The following PTPRK variants were observed in gnomAD, a reference collection of about 807,000 sequenced individuals.
PTPRK encodes protein tyrosine phosphatase receptor type K, also known as receptor-type tyrosine-protein phosphatase kappa.
Under a neutral mutation model 178.0 loss-of-function variants are expected in PTPRK, and 75 were observed. That is an observed-to-expected ratio of 0.42 (90% confidence interval 0.35 to 0.51). The LOEUF is 0.51. PTPRK is among the 20% of genes least tolerant of loss of function. The pLI, the probability that PTPRK is intolerant of heterozygous loss-of-function variation, is 0.02. For missense variants in PTPRK, 1,441 were observed against 1,797.8 expected (o/e 0.80, Z 3.59); for synonymous variants, 637 against 620.6 (o/e 1.03, Z -0.39).
intron 2 of PTPRK, among the ~76,000 whole-genome samples, chr6:128,373,952 A>T (rs1278845923): frequency 6.6e-6 from 1 of 152,208 alleles, no homozygotes; most frequent in African/African-American, 2.4e-5. Flanking sequence ...AAGAAAGGGT[A>T]AAAAGGCTTC....
chr6:128,022,369 A>G (rs1024091808), intron 13 of PTPRK, among the ~76,000 whole-genome samples: 3 of 152,070 alleles, frequency 2.0e-5, no homozygotes, highest in South Asian at 4.2e-4. Context: ...TGCCATGAAA[A>G]CTTTTGGTCC....
At chr6:128,279,227 A>C (rs980356643) in intron 3 of PTPRK, among the ~76,000 whole-genome samples, 8 of 141,016 alleles carry the variant, frequency 5.7e-5, no homozygotes, top group Non-Finnish European at 9.4e-5. Flanking sequence ...AAAAAAAAAA[A>C]GATGTCTGGA....
rs1202444548 is a variant in PTPRK, at chr6:128,331,778, G to A, written c.224-9468C>T. On this transcript the variant is annotated intron_variant, in intron 2 of 29. Coordinates refer to ENST00000368226, the MANE Select transcript of PTPRK (RefSeq NM_002844.4). ...TTGTCCCCCAAACTTCAAATTAACT[G>A]AATTTGCATCTTTGCAGGAGTCTAC... Among the ~76,000 whole-genome samples, 3 of 133,132 alleles carry A rather than the reference G, an allele frequency of 2.3e-5. No individual in the cohort carries two copies. The Admixed American group carries it at 2.3e-4, about 10-fold the overall frequency. 87.3% of individuals were successfully genotyped at this position (133,132 alleles called of 152,430 possible). A position where few individuals can be genotyped will look rare whatever the true frequency, so the allele number is the denominator to read the frequency against.
intron 10 of PTPRK, among the ~76,000 whole-genome samples, chr6:128,081,899 ATTTC>A (rs1364695637): frequency 2.6e-5 from 4 of 152,162 alleles, no homozygotes; most frequent in Admixed American, 6.6e-5. Flanking sequence ...GTAAAGTTTA[ATTTC>A]TTTATCAACC....
intron 2 of PTPRK, among the ~76,000 whole-genome samples, chr6:128,327,884 T>A (rs927351310): frequency 7.2e-5 from 11 of 152,162 alleles, no homozygotes; most frequent in African/African-American, 2.7e-4. Flanking sequence ...GAAGGTGCAG[T>A]TGCAGCTCAC....
At position 128,219,041 on chromosome 6, in the gene PTPRK, C is replaced by T; in HGVS notation, c.749G>A (p.Arg250Lys). 6.2e-7 allele frequency: 1 copy of T among 1,613,904 alleles called. No individual in the cohort carries two copies. The highest frequency in any genetic ancestry group is 8.5e-7 in the Non-Finnish European group (1 of 1,179,840). ...VAQTKNINHR[R>K]FAASFRLQEV... ...TTGCAATCTGAAGGAAGCGGCAAAC[C>T]TTCTATGATTGATGTTCTTAGTCTG... Residue 250 changes from arginine to lysine, a missense_variant, in exon 6 of 30, where the codon AGG (arginine) becomes AAG (lysine). Transcript: ENST00000368226.
chr6:128,017,622 T>C (rs912484699), intron 13 of PTPRK, among the ~76,000 whole-genome samples: 7 of 150,962 alleles, frequency 4.6e-5, no homozygotes, highest in African/African-American at 1.7e-4. Context: ...AAGGGCAATA[T>C]AGTTTTAGCA....
At chr6:128,316,486 G>A (rs1447845663) in intron 3 of PTPRK, among the ~76,000 whole-genome samples, 1 of 152,192 alleles carries the variant, frequency 6.6e-6, no homozygotes, top group Non-Finnish European at 1.5e-5. Context: ...AAGCAGGTAT[G>A]ACTGAGCAGA....
chr6:128,093,037 G>A (rs1041731685), intron 7 of PTPRK, among the ~76,000 whole-genome samples: 17 of 152,126 alleles, frequency 1.1e-4, no homozygotes, highest in East Asian at 3.9e-4. Flanking sequence ...ATAGTAAATC[G>A]TATTTATAAC....
At chr6:128,419,514 C>A (rs1843222221) in intron 1 of PTPRK, among the ~76,000 whole-genome samples, 1 of 151,452 alleles carries the variant, frequency 6.6e-6, no homozygotes, top group South Asian at 2.1e-4. Flanking sequence ...GAGGCTGAGG[C>A]AGGAGAATGG....
At chr6:128,407,633 C>CCAAA (rs1237617194) in intron 1 of PTPRK, among the ~76,000 whole-genome samples, 1 of 97,794 alleles carries the variant, frequency 1.0e-5, no homozygotes, top group Non-Finnish European at 1.9e-5. Context: ...AAGACCCTAT[C>CCAAA]AAAAAAAAAA....
At chr6:128,340,432 A>C (rs1001926848) in intron 2 of PTPRK, among the ~76,000 whole-genome samples, 6 of 152,184 alleles carry the variant, frequency 3.9e-5, no homozygotes, top group Admixed American at 1.3e-4. Context: ...AAGCTTTAAC[A>C]ACCTCTAAAT....
At chr6:128,256,680 C>A (rs961524618) in intron 3 of PTPRK, among the ~76,000 whole-genome samples, 17 of 151,788 alleles carry the variant, frequency 1.1e-4, no homozygotes, top group African/African-American at 4.1e-4. Context: ...TCGTGATCCG[C>A]CCGCCTCAGC....
At chr6:128,195,046 G>A (rs9388619) in intron 6 of PTPRK, among the ~76,000 whole-genome samples, 15,688 of 150,780 alleles carry the variant, frequency 0.1, 1,671 homozygotes, top group East Asian at 0.35. Context: ...ATACACATAT[G>A]TAAATATATG....
intron 7 of PTPRK, among the ~76,000 whole-genome samples, chr6:128,124,581 C>G (rs1390154343): frequency 2.0e-5 from 3 of 152,108 alleles, no homozygotes; most frequent in African/African-American, 4.8e-5. Context: ...AGTGCCTCAC[C>G]TATTCAAACC....
At chr6:128,413,755 G>T (rs901518724) in intron 1 of PTPRK, among the ~76,000 whole-genome samples, 3 of 152,162 alleles carry the variant, frequency 2.0e-5, no homozygotes, top group Non-Finnish European at 4.4e-5. Flanking sequence ...TTAGTAAGAA[G>T]TCCACGGGTG....
At chr6:127,983,464 T>C in intron 22 of PTPRK, 87 bp from the exon 23 acceptor site, 2 of 1,401,394 alleles carry the variant, frequency 1.4e-6, no homozygotes, top group Non-Finnish European at 1.9e-6. Flanking sequence ...GTCAGATAGG[T>C]AGAATCAAAT....
intron 2 of PTPRK, among the ~76,000 whole-genome samples, chr6:128,391,506 T>C (rs553091328): frequency 6.6e-6 from 1 of 152,334 alleles, no homozygotes; most frequent in Non-Finnish European, 1.5e-5. Context: ...CACAGAACTT[T>C]ATTCTACCAA....
At chr6:128,346,149 C>T (rs1284677564) in intron 2 of PTPRK, among the ~76,000 whole-genome samples, 1 of 152,040 alleles carries the variant, frequency 6.6e-6, no homozygotes, top group Non-Finnish European at 1.5e-5. Flanking sequence ...CTGATGTCTT[C>T]CCTGCCATGC....
Sources: gnomAD v4.1 joint callset for allele counts (sites outside exome capture counted in the v4.1 genomes callset) on GRCh38, gnomAD v4.1.1 for gene constraint, MANE v1.5 for transcripts, NCBI Gene and HGNC (gene_info 2026-07-23, HGNC 2026-07-21) for gene names.